Variants in CCDC60 observed in about 807,000 individuals in gnomAD.
CCDC60 encodes the protein coiled-coil domain-containing protein 60.
Under a neutral mutation model 63.5 loss-of-function variants are expected in CCDC60, and 54 were observed. The ratio of observed to expected loss-of-function variants is 0.85; its 90% CI spans 0.68 to 1.07. The LOEUF is 1.07. CCDC60 is among the 50% of genes least tolerant of loss of function. The pLI is 0.00. For synonymous variants in CCDC60, 206 were observed against 238.8 expected, an observed-to-expected ratio of 0.86 and a Z score of 1.27; for missense variants, 651 against 684.3, an observed-to-expected ratio of 0.95 and a Z score of 0.54.
chr12:119,489,381 G>A (rs762341735), intron 5 of CCDC60, among the ~76,000 whole-genome samples: 30 of 151,942 alleles, frequency 2.0e-4, no homozygotes, highest in Admixed American at 6.6e-4. Context: ...ATACATTGGT[G>A]GCTACTTCTC....
At chr12:119,373,154 C>G (rs952492776) in intron 1 of CCDC60, among the ~76,000 whole-genome samples, 1 of 152,160 alleles carries the variant, frequency 6.6e-6, no homozygotes, top group African/African-American at 2.4e-5. Context: ...TGCAGTCAAG[C>G]TGACTGACCT....
intron 1 of CCDC60, among the ~76,000 whole-genome samples, chr12:119,400,957 A>T (rs903018946): frequency 1.3e-5 from 2 of 152,224 alleles, no homozygotes; most frequent in South Asian, 4.1e-4. Flanking sequence ...TCTGTGGGCA[A>T]TTCACTCTGT....
intron 1 of CCDC60, among the ~76,000 whole-genome samples, chr12:119,383,330 C>A (rs1419350486): frequency 6.6e-6 from 1 of 152,190 alleles, no homozygotes; most frequent in African/African-American, 2.4e-5. Flanking sequence ...TCTTCTCGCC[C>A]CACCCATATT....
At chr12:119,488,503 T>C (rs1291720039) in intron 4 of CCDC60, among the ~76,000 whole-genome samples, 2 of 152,338 alleles carry the variant, frequency 1.3e-5, no homozygotes, top group East Asian at 3.9e-4. Flanking sequence ...TATCACCTAC[T>C]GGCCTGGTGA....
At position 119,431,468 on chromosome 12, in the gene CCDC60, A is replaced by G. The variant is rs117494087; in HGVS notation, c.170+2706A>G. Among the ~76,000 whole-genome samples the G allele has an allele frequency of 7.3e-4, 111 of 152,278 alleles. 4 individuals are homozygous for G. In the East Asian group the frequency reaches 0.02, roughly 27 times the overall value. ...ATCCATCAAGTACAGGGTCCGCAAA[A>G]TATCTCAAGCACTGATCTTAGAAGC... On this transcript the variant is annotated intron_variant, in intron 2 of 13. Transcript: ENST00000327554.
rs527297462 is a variant in CCDC60, at chr12:119,476,436, A to G, written c.342-2658A>G. On this transcript the variant is annotated intron_variant, in intron 3 of 13. Coordinates refer to ENST00000327554, the MANE Select transcript of CCDC60 (RefSeq NM_178499.5). ...GTGGTTTTCTCAGCTCTAGGATTGA[A>G]TAAAGAGTCAGTGGAAGTGAACATT... Among the ~76,000 whole-genome samples, 5 of 152,318 alleles carry G rather than the reference A, an allele frequency of 3.3e-5. No individual in the cohort carries two copies. The East Asian group carries it at 9.6e-4, about 29-fold the overall frequency.
chr12:119,405,761 T>C (rs2136187035), intron 1 of CCDC60, among the ~76,000 whole-genome samples: 1 of 152,356 alleles, frequency 6.6e-6, no homozygotes, highest in Non-Finnish European at 1.5e-5. Context: ...AATAATTTTC[T>C]GCTGTGAAAG....
chr12:119,513,220 C>T (rs924396161), intron 7 of CCDC60, among the ~76,000 whole-genome samples: 3 of 152,188 alleles, frequency 2.0e-5, no homozygotes, highest in African/African-American at 7.2e-5. Context: ...CCATTCACTT[C>T]CACTCTCCCA....
intron 2 of CCDC60, among the ~76,000 whole-genome samples, chr12:119,471,200 A>C (rs1050581787): frequency 1.7e-4 from 26 of 152,260 alleles, no homozygotes; most frequent in Admixed American, 1.2e-3. Context: ...GCATCAAGAC[A>C]TCTGATTAGG....
chr12:119,493,331 G>A (rs1394701566), intron 5 of CCDC60, among the ~76,000 whole-genome samples: 5 of 152,098 alleles, frequency 3.3e-5, no homozygotes, highest in Non-Finnish European at 7.3e-5. Flanking sequence ...GAAAGTCGGA[G>A]TGGTTCGATA....
At chr12:119,422,288 G>A (rs1288381523) in intron 1 of CCDC60, among the ~76,000 whole-genome samples, 6 of 152,200 alleles carry the variant, frequency 3.9e-5, no homozygotes, top group Non-Finnish European at 8.8e-5. Context: ...ATGCAACCAG[G>A]TTGGGAGTCA....
intron 5 of CCDC60, among the ~76,000 whole-genome samples, chr12:119,491,334 T>G (rs1371032095): frequency 6.6e-6 from 1 of 152,194 alleles, no homozygotes; most frequent in Non-Finnish European, 1.5e-5. Context: ...TGTTTGTTTT[T>G]GTTTTTGTTT....
intron 1 of CCDC60, among the ~76,000 whole-genome samples, chr12:119,381,149 T>G (rs1345182046): frequency 6.6e-6 from 1 of 152,170 alleles, no homozygotes; most frequent in Non-Finnish European, 1.5e-5. Flanking sequence ...AACACTTCAT[T>G]TGAATTAACA....
intron 2 of CCDC60, among the ~76,000 whole-genome samples, chr12:119,446,549 G>A (rs1357468494): frequency 6.6e-6 from 1 of 152,196 alleles, no homozygotes; most frequent in Non-Finnish European, 1.5e-5. Context: ...AAAGAGCTGG[G>A]ATGGGGAGGT....
chr12:119,420,874 A>G lies in CCDC60; in HGVS notation c.91-7809A>G, dbSNP rs185025825. On this transcript the variant is annotated intron_variant, in intron 1 of 13. Transcript: ENST00000327554. The surrounding 1 kb of genome is among the most constrained non-coding windows in gnomAD (Gnocchi z 4.1). ...CCACAAAAATAAAAAATAAAATATTAAAACCACCAAAAACTTAAACATCCG... is the reference window on the plus strand; with the variant it reads ...CCACAAAAATAAAAAATAAAATATTGAAACCACCAAAAACTTAAACATCCG... Among the ~76,000 whole-genome samples the G allele has an allele frequency of 3.3e-4, 51 of 152,308 alleles. No individual in the cohort carries two copies. The East Asian group carries it at 5.2e-3, about 16-fold the overall frequency.
intron 1 of CCDC60, among the ~76,000 whole-genome samples, chr12:119,395,644 G>A (rs1565984124): frequency 2.0e-5 from 3 of 152,174 alleles, no homozygotes; most frequent in South Asian, 2.1e-4. Context: ...ATATCAGCAC[G>A]GTAATGAGTT....
intron 11 of CCDC60, among the ~76,000 whole-genome samples, chr12:119,527,326 C>G (rs1197968060): frequency 1.3e-5 from 2 of 152,058 alleles, no homozygotes; most frequent in Non-Finnish European, 2.9e-5. Context: ...GAGCTTAATA[C>G]CTGGGTGATG....
chr12:119,470,864 AC>A (rs1397976290), intron 2 of CCDC60, among the ~76,000 whole-genome samples: 2 of 151,936 alleles, frequency 1.3e-5, no homozygotes, highest in African/African-American at 4.8e-5. Context: ...TGAACCATGA[AC>A]CCTGAGGGAC....
chr12:119,498,355 G>A (rs945816781), intron 5 of CCDC60, among the ~76,000 whole-genome samples: 1 of 151,488 alleles, frequency 6.6e-6, no homozygotes, highest in East Asian at 1.9e-4. Context: ...TTTTTGAGAC[G>A]GAGTTTCACT....
Sources: gnomAD v4.1 joint callset for allele counts (sites outside exome capture counted in the v4.1 genomes callset) on GRCh38, gnomAD v4.1.1 for gene constraint, Gnocchi (gnomAD v3.1) non-coding constraint, MANE v1.5 for transcripts, NCBI Gene and HGNC (gene_info 2026-07-23, HGNC 2026-07-21) for gene names.